Variants in KRT31 observed in about 807,000 individuals in gnomAD.
KRT31 encodes keratin, type I cuticular Ha1.
Under a neutral mutation model 40.8 loss-of-function variants are expected in KRT31, and 27 were observed. That is an observed-to-expected ratio of 0.66 (90% CI 0.49 to 0.91). The LOEUF (loss-of-function observed/expected upper bound fraction) is 0.91, where lower values mean the gene tolerates loss of function less well. KRT31 is among the 40% of genes least tolerant of loss of function. The pLI, the probability that KRT31 is intolerant of heterozygous loss-of-function variation, is 0.00. For missense variants in KRT31, 510 were observed against 544.1 expected, an observed-to-expected ratio of 0.94 and a Z score of 0.62; for synonymous variants, 231 against 231.9, an observed-to-expected ratio of 1.00 and a Z score of 0.03.
rs763186214 is a variant in KRT31 at position 41,394,911 on chromosome 17, A to G, written c.1034T>C (p.Val345Ala). The G allele has an allele frequency of 3.7e-6, 6 of 1,614,216 alleles. No homozygotes were observed. The East Asian group carries it at 6.7e-5, about 18-fold the overall frequency. Residue 345 changes from valine (V) to alanine (A), a missense_variant, in exon 6 of 7, where the codon GTG (valine) becomes GCG (alanine). Coordinates refer to ENST00000251645, the MANE Select transcript of KRT31 (RefSeq NM_002277.3). ...QNQEYQVLLD[V>A]RARLECEINT... ...GATCTCACACTCCAGCCGGGCACGC[A>G]CATCCAGCAGCACCTGGTACTCCTG...
At chr17:41,395,738 G>A in intron 3 of KRT31, 115 bp from the exon 4 acceptor site, 1 of 1,284,482 alleles carries the variant, frequency 7.8e-7, no homozygotes, top group South Asian at 1.5e-5. Context: ...AACTTTGAGT[G>A]GAGCAGTTTG....
chr17:41,397,277 A>C lies in KRT31; in HGVS notation c.263T>G (p.Ile88Ser). 5.6e-6 allele frequency: 9 copies of C among 1,614,208 alleles called. No individual in the cohort carries two copies. The highest frequency in any genetic ancestry group is 7.6e-6 in the Non-Finnish European group (9 of 1,180,040). Residue 88 changes from isoleucine (I) to serine (S), a missense_variant, in exon 1 of 7, where the codon ATC becomes AGC. Physicochemically the swap from Ile to Ser is moderately radical, Grantham distance 142. Coordinates refer to ENST00000251645, the MANE Select transcript of KRT31 (RefSeq NM_002277.3). Reference protein sequence around the residue: ...ERDNAELENLIRERSQQQEPL... With the variant: ...ERDNAELENLSRERSQQQEPL... The stretch of plus-strand genomic sequence containing the variant: ...CTCCTGCTGCTGAGACCGCTCCCGG[A>C]TGAGGTTCTCCAGCTCCGCGTTGTC...
At chr17:41,395,831 CA>C (rs2018217151) in intron 3 of KRT31, among the ~76,000 whole-genome samples, 1 of 152,142 alleles carries the variant, frequency 6.6e-6, no homozygotes, top group Non-Finnish European at 1.5e-5. Context: ...AAAAAAATCC[CA>C]AAAGTTTGCT....
At position 41,394,154 on chromosome 17, in the gene KRT31, G is replaced by A. The variant is rs987236088; in HGVS notation, c.1113C>T (p.Pro371=). Reference sequence around the variant, plus strand: ...TGCTGCACGCGTTGGTCGTGGCACAGGGATTGCTGGGCAGACTGGAGACAA... The same window carrying A: ...TGCTGCACGCGTTGGTCGTGGCACAAGGATTGCTGGGCAGACTGGAGACAA... ...ESEDCNLPSN[P]CATTNACSKP... The change falls in exon 7 of 7, where the codon CCC becomes CCT. Residue 371 remains proline, a synonymous_variant. Transcript: ENST00000251645. The A allele has an allele frequency of 8.7e-6, 14 of 1,611,414 alleles. No individual in the cohort carries two copies. The Admixed American group carries it at 2.2e-4, about 25-fold the overall frequency.
chr17:41,397,297 G>A lies in KRT31; in HGVS notation c.243C>T (p.Asn81=), dbSNP rs752862120. ...LEKVRQLERD[N]AELENLIRER... ...CCCGGATGAGGTTCTCCAGCTCCGC[G>A]TTGTCCCGCTCCAGCTGACGCACTT... is the stretch of plus-strand genomic sequence containing the variant. Residue 81 remains asparagine (N), a synonymous_variant, in exon 1 of 7, where the codon AAC becomes AAT. Coordinates refer to ENST00000251645, the MANE Select transcript of KRT31 (RefSeq NM_002277.3). 4 of 1,614,180 alleles carry A rather than the reference G, an allele frequency of 2.5e-6. No individual in the cohort carries two copies. Among genetic ancestry groups the A allele is most frequent in the South Asian group, 1.1e-5 (1 of 91,086 alleles).
chr17:41,393,936 C>G lies in KRT31; in HGVS notation c.*80G>C. ...AGCCATGCAAATGATGTTTTCAGGC[C>G]CCTTTTGTTGAACCAGAGCCAGGTC... is the stretch of plus-strand genomic sequence containing the variant. On this transcript the variant is annotated 3_prime_UTR_variant, in exon 7 of 7. Coordinates refer to ENST00000251645, the MANE Select transcript of KRT31 (RefSeq NM_002277.3). 6.7e-7 allele frequency: 1 copy of G among 1,485,954 alleles called. No homozygotes were observed. The highest frequency in any genetic ancestry group is 9.1e-7 in the Non-Finnish European group (1 of 1,104,614). The allele number at this position is 1,485,954 out of a possible 1,614,324, so 92.0% of individuals were successfully genotyped here.
chr17:41,395,946 A>G (rs528257587), intron 3 of KRT31, among the ~76,000 whole-genome samples: 14 of 152,326 alleles, frequency 9.2e-5, no homozygotes, highest in African/African-American at 3.1e-4. Flanking sequence ...GCAATTTCAG[A>G]CCATATATCA....
Position 41,397,273 on chromosome 17 carries a change from C to G in KRT31, c.267G>C (p.Arg89=). ...RDNAELENLI[R]ERSQQQEPLL... ...AGGGCTCCTGCTGCTGAGACCGCTC[C>G]CGGATGAGGTTCTCCAGCTCCGCGT... Residue 89 remains arginine (R), a synonymous_variant, in exon 1 of 7, where the codon CGG becomes CGC. Coordinates refer to ENST00000251645, the MANE Select transcript of KRT31 (RefSeq NM_002277.3). 1 of 1,614,200 alleles carries G rather than the reference C, an allele frequency of 6.2e-7. No homozygotes were observed. Among genetic ancestry groups the G allele is most frequent in the Non-Finnish European group, 8.5e-7 (1 of 1,180,032 alleles).
chr17:41,397,354 G>A lies in KRT31; in HGVS notation c.186C>T (p.Phe62=). 3 of 1,613,588 alleles carry A rather than the reference G, an allele frequency of 1.9e-6. No homozygotes were observed. Among genetic ancestry groups the A allele is most frequent in the Non-Finnish European group, 2.5e-6 (3 of 1,180,052 alleles). The change falls in exon 1 of 7, where the codon TTC becomes TTT. Residue 62 remains phenylalanine (F), a synonymous_variant. Coordinates refer to ENST00000251645, the MANE Select transcript of KRT31 (RefSeq NM_002277.3). ...GGTAGCTGGCCAGGCGGTCGTTCAG[G>A]AACTGCATAGTCTCCTTCTCGCTAC... is the stretch of plus-strand genomic sequence containing the variant. ...FNGSEKETMQ[F]LNDRLASYLE...
At chr17:41,396,386 G>C in intron 3 of KRT31, 34 bp downstream of exon 3, 2 of 1,603,110 alleles carry the variant, frequency 1.2e-6, no homozygotes, top group Non-Finnish European at 1.7e-6. Context: ...CAGAGGCTGA[G>C]ACAGGTTTGT....
chr17:41,396,647 T>G, intron 2 of KRT31, 71 bp from the exon 3 acceptor site: 1 of 1,529,388 alleles, frequency 6.5e-7, no homozygotes, highest in Non-Finnish European at 8.9e-7. Flanking sequence ...TTTGATAACC[T>G]CATGTGCCTT....
rs553792126 is a variant in KRT31, at chr17:41,396,951, G to T, written c.393C>A (p.Ile131=). The stretch of plus-strand genomic sequence containing the variant: ...CATCCGCAGCCAGCTTGGCGTTGTC[G>T]ATCTGCACCACAAGCCTGGCATTCT... ...KSENARLVVQ[I]DNAKLAADDF... Residue 131 remains isoleucine, a synonymous_variant, in exon 2 of 7, where the codon ATC becomes ATA. Transcript: ENST00000251645. 3 of 1,614,038 alleles carry T rather than the reference G, an allele frequency of 1.9e-6. No homozygotes were observed. Among genetic ancestry groups the T allele is most frequent in the African/African-American group, 2.7e-5 (2 of 74,920 alleles).
chr17:41,396,783 G>A (rs113213856), intron 2 of KRT31, 130 bp downstream of exon 2: 3 of 1,011,858 alleles, frequency 3.0e-6, no homozygotes, highest in African/African-American at 1.6e-5. Context: ...GCATTTCTTT[G>A]CTTGGTTCTC....
Position 41,395,000 on chromosome 17 carries a change from C to T in KRT31, c.945G>A (p.Gln315=), listed in dbSNP as rs1567681725. 1 of 1,614,248 alleles carries T rather than the reference C, an allele frequency of 6.2e-7. No individual in the cohort carries two copies. Among genetic ancestry groups the T allele is most frequent in the Non-Finnish European group, 8.5e-7 (1 of 1,180,054 alleles). Residue 315 remains glutamine (Q), a synonymous_variant, in exon 6 of 7, where the codon CAG becomes CAA. Coordinates refer to ENST00000251645, the MANE Select transcript of KRT31 (RefSeq NM_002277.3). The part of the protein sequence containing the change: ...ARYSSQLSQV[Q]SLITNVESQL... ...GGGACTCCACGTTGGTGATCAGGCTCTGCACCTGGGACAGCTGGGAGCTGT... is the reference window on the plus strand; with the variant it reads ...GGGACTCCACGTTGGTGATCAGGCTTTGCACCTGGGACAGCTGGGAGCTGT...
chr17:41,394,605 G>T (rs2018186220), intron 6 of KRT31, among the ~76,000 whole-genome samples: 1 of 152,190 alleles, frequency 6.6e-6, no homozygotes, highest in African/African-American at 2.4e-5. Context: ...ATGCAGTCAT[G>T]CATATTATCA....
chr17:41,394,727 T>C, intron 6 of KRT31, 121 bp downstream of exon 6: 2 of 1,515,672 alleles, frequency 1.3e-6, no homozygotes, highest in Middle Eastern at 2.5e-4. Context: ...CTGAGTTCTG[T>C]TTGAGCATGT....
At position 41,395,431 on chromosome 17, in the gene KRT31, G is replaced by T. The variant is rs183785180; in HGVS notation, c.750+31C>A. 3.3e-4 allele frequency: 537 copies of T among 1,614,060 alleles called. No homozygotes were observed. The African/African-American group carries it at 6.1e-3, about 18-fold the overall frequency. ...CCTCCGGGGCCCTGGGGGGCCTTGG[G>T]TCCTGAGGGGCCACGTGCTTAGATG... On this transcript the variant is annotated intron_variant, in intron 4 of 6. Transcript: ENST00000251645.
Position 41,397,563 on chromosome 17 carries a change from T to C in KRT31, c.-24A>G. 1 of 1,585,162 alleles carries C rather than the reference T, an allele frequency of 6.3e-7. No individual in the cohort carries two copies. The highest frequency in any genetic ancestry group is 8.6e-7 in the Non-Finnish European group (1 of 1,164,556). On this transcript the variant is annotated 5_prime_UTR_variant, in exon 1 of 7. Transcript: ENST00000251645. ...ATAGTGCTGGGAGGGAGGGAGGGAG[T>C]GCCTGGCTGAAGACAGAGTCTAAAT... is the stretch of plus-strand genomic sequence containing the variant.
chr17:41,395,702 C>G, intron 3 of KRT31, 79 bp from the exon 4 acceptor site: 1 of 1,497,478 alleles, frequency 6.7e-7, no homozygotes, highest in South Asian at 1.3e-5. Flanking sequence ...TGTTGAAACC[C>G]TGTTAGTCTA....
Sources: gnomAD v4.1 joint callset for allele counts (sites outside exome capture counted in the v4.1 genomes callset) on GRCh38, gnomAD v4.1.1 for gene constraint, MANE v1.5 for transcripts, NCBI Gene and HGNC (gene_info 2026-07-23, HGNC 2026-07-21) for gene names.